The following SOCS7 variants were observed in gnomAD, a reference collection of about 807,000 sequenced individuals.
SOCS7 encodes the protein NAP-4.
A neutral mutation model predicts 58.9 loss-of-function variants in SOCS7; 18 were observed. That is an observed-to-expected ratio of 0.31 (90% CI 0.21 to 0.45). The LOEUF (loss-of-function observed/expected upper bound fraction) is 0.45, where lower values mean the gene tolerates loss of function less well. SOCS7 is among the 20% of genes least tolerant of loss of function. The pLI, the probability that SOCS7 is intolerant of heterozygous loss-of-function variation, is 1.00. For synonymous variants in SOCS7, 388 were observed against 364.3 expected, an observed-to-expected ratio of 1.06 and a Z score of -0.74; for missense variants, 667 against 837.3, an observed-to-expected ratio of 0.80 and a Z score of 2.51.
At chr17:38,385,432 ATTTCTTTTCTTTCTT>A (rs2038056002) in intron 7 of SOCS7, among the ~76,000 whole-genome samples, 1 of 141,382 alleles carries the variant, frequency 7.1e-6, no homozygotes, top group Non-Finnish European at 1.5e-5. Context: ...CTTCATCTGA[ATTTCTTTTCTTTCTT>A]TTTTTTTTTT....
intron 6 of SOCS7, among the ~76,000 whole-genome samples, chr17:38,374,676 A>G (rs1479781344): frequency 6.6e-6 from 1 of 152,260 alleles, no homozygotes; most frequent in African/African-American, 2.4e-5. Context: ...ATTTCAAGAT[A>G]GGGATCTTAG....
At chr17:38,364,963 C>CAATT in intron 3 of SOCS7, 107 bp downstream of exon 3, 1 of 782,222 alleles carries the variant, frequency 1.3e-6, no homozygotes, top group Non-Finnish European at 2.1e-6. Context: ...GATGATGACT[C>CAATT]AATTATTTCC....
At chr17:38,366,134 A>C in intron 4 of SOCS7, 153 bp from the exon 5 acceptor site, 1 of 1,283,778 alleles carries the variant, frequency 7.8e-7, no homozygotes, top group Non-Finnish European at 1.0e-6. Flanking sequence ...CAGCCCATCC[A>C]GCTCTTTGCC....
At chr17:38,393,760 C>T (rs977358249) in intron 7 of SOCS7, among the ~76,000 whole-genome samples, 2 of 148,464 alleles carry the variant, frequency 1.3e-5, no homozygotes, top group African/African-American at 5.0e-5. Context: ...ATTAGCCCGG[C>T]GTGGTGGTGG....
intron 9 of SOCS7, among the ~76,000 whole-genome samples, chr17:38,398,363 C>T (rs185264684): frequency 6.6e-6 from 1 of 151,900 alleles, no homozygotes; most frequent in East Asian, 1.9e-4. Context: ...CCACCTCAGC[C>T]TCCCAGTGGG....
At chr17:38,374,093 G>A (rs1397252012) in intron 6 of SOCS7, among the ~76,000 whole-genome samples, 4 of 152,054 alleles carry the variant, frequency 2.6e-5, no homozygotes, top group Admixed American at 6.5e-5. Context: ...GGTGGCACGC[G>A]CCTGTGATCC....
intron 7 of SOCS7, among the ~76,000 whole-genome samples, chr17:38,384,891 C>CT (rs71138614): frequency 0.06 from 4,601 of 76,588 alleles, 220 homozygotes; most frequent in African/African-American, 0.1. Flanking sequence ...GCACCCAGCT[C>CT]TTTTTTTTTT....
chr17:38,372,961 C>T (rs2037886615), intron 6 of SOCS7, among the ~76,000 whole-genome samples: 1 of 151,944 alleles, frequency 6.6e-6, no homozygotes, highest in Non-Finnish European at 1.5e-5. Flanking sequence ...ACAAAATTAG[C>T]CGTGTGTGGT....
intron 6 of SOCS7, among the ~76,000 whole-genome samples, chr17:38,370,912 G>A (rs560261901): frequency 1.6e-4 from 25 of 152,252 alleles, no homozygotes; most frequent in African/African-American, 6.0e-4. Context: ...GCCTCCCAAA[G>A]TGTTGGGATT....
intron 7 of SOCS7, among the ~76,000 whole-genome samples, chr17:38,388,722 G>C (rs1384486971): frequency 6.6e-6 from 1 of 152,004 alleles, no homozygotes; most frequent in Non-Finnish European, 1.5e-5. Flanking sequence ...TTGACTGTTT[G>C]GTACATTTCA....
intron 7 of SOCS7, among the ~76,000 whole-genome samples, chr17:38,390,168 G>A (rs2038151781): frequency 6.6e-6 from 1 of 151,694 alleles, no homozygotes; most frequent in South Asian, 2.1e-4. Flanking sequence ...AGCGCCATTT[G>A]TTGAAAAGAT....
At chr17:38,388,427 G>A (rs1247460989) in intron 7 of SOCS7, among the ~76,000 whole-genome samples, 1 of 152,078 alleles carries the variant, frequency 6.6e-6, no homozygotes, top group Non-Finnish European at 1.5e-5. Context: ...GCTGAGGCAG[G>A]AGAATTGCTT....
chr17:38,383,992 C>T (rs558735963), intron 7 of SOCS7, among the ~76,000 whole-genome samples: 17 of 152,138 alleles, frequency 1.1e-4, no homozygotes, highest in Non-Finnish European at 2.5e-4. Flanking sequence ...GAGCATCTCC[C>T]CAGTAAGCGG....
Position 38,403,076 on chromosome 17 carries a change from ACCTGC to A in SOCS7, c.*3596_*3600del. ...CATTGGTGCTGACCTTTGCCTGGTC[ACCTGC>A]CTGTGCCTAGGCCAAGTGAATGTTA... On this transcript the variant is annotated 3_prime_UTR_variant, in exon 10 of 10. Transcript: ENST00000612932. 1 of 152,102 alleles carries A rather than the reference ACCTGC, an allele frequency of 6.6e-6. No homozygotes were observed. Among genetic ancestry groups the A allele is most frequent in the African/African-American group, 2.4e-5 (1 of 41,386 alleles). The allele number at this position is 152,102 out of a possible 1,614,324, so 9.4% of individuals were successfully genotyped here.
rs1418569688 is a variant in SOCS7 at position 38,352,519 on chromosome 17, C to A, written c.467C>A (p.Pro156Gln). ...CCGTGTCCTCCTCAGCCGCCCCCTC[C>A]GCAGCCCCAGCCGCCTGCTGCCGCC... Reference protein sequence around the residue: ...PCPCPPQPPPPQPQPPAAAPQ... With the variant: ...PCPCPPQPPPQQPQPPAAAPQ... The change falls in exon 1 of 10, where the codon CCG (proline) becomes CAG (glutamine). Residue 156 changes from proline (P) to glutamine (Q), a missense_variant. By Grantham distance (76) the Pro-to-Gln change is moderately conservative (BLOSUM62 -1). Around this residue, in one of 9 missense-constraint regions of SOCS7, gnomAD observed 154 missense variants for 156.3 expected, o/e 0.98. Transcript: ENST00000612932. This position sits in a 1 kb window ranked among gnomAD's most constrained non-coding sequence, Gnocchi z 5.5. The A allele has an allele frequency of 6.5e-7, 1 of 1,546,380 alleles. No homozygotes were observed. Among genetic ancestry groups the A allele is most frequent in the Non-Finnish European group, 8.7e-7 (1 of 1,144,928 alleles).
rs2037775556 is a variant in SOCS7, at chr17:38,365,362, C to T, written c.1205C>T (p.Ser402Phe). ...GTCCTTGTGGCTCCGATGGGGTCTTCCTTGCAGTCTTTCCCCCTACCTCCG... is the reference window on the plus strand; with the variant it reads ...GTCCTTGTGGCTCCGATGGGGTCTTTCTTGCAGTCTTTCCCCCTACCTCCG... ...TSVLVAPMGSSLQSFPLPPPP... is the reference protein window; with the variant it reads ...TSVLVAPMGSFLQSFPLPPPP... Residue 402 changes from serine to phenylalanine, a missense_variant, in exon 4 of 10, where the codon TCC (serine) becomes TTC (phenylalanine). Ser to Phe is a radical substitution (Grantham distance 155). Transcript: ENST00000612932. 2 of 1,613,232 alleles carry T rather than the reference C, an allele frequency of 1.2e-6. No homozygotes were observed. The highest frequency in any genetic ancestry group is 2.2e-5 in the East Asian group (1 of 44,822).
chr17:38,374,778 G>A (rs142956532), intron 6 of SOCS7, among the ~76,000 whole-genome samples: 2 of 152,314 alleles, frequency 1.3e-5, no homozygotes, highest in Admixed American at 6.5e-5. Context: ...GCCAGATGAC[G>A]AGGAAGAAGA....
intron 7 of SOCS7, among the ~76,000 whole-genome samples, chr17:38,378,375 A>T (rs2037958556): frequency 6.6e-6 from 1 of 152,092 alleles, no homozygotes; most frequent in Non-Finnish European, 1.5e-5. Flanking sequence ...TTAGCCAGGC[A>T]TAGTGGCACA....
rs1476605995 is a variant in SOCS7, at chr17:38,389,865, G to A, written c.1682-5444G>A. Reference sequence around the variant, plus strand: ...ATTTTTTTGTTTGGTGTGTATGTGTGTACATATATATATATATGTACATAT... The same window carrying A: ...ATTTTTTTGTTTGGTGTGTATGTGTATACATATATATATATATGTACATAT... On this transcript the variant is annotated intron_variant, in intron 7 of 9. Transcript: ENST00000612932. Among the ~76,000 whole-genome samples the A allele has an allele frequency of 1.3e-3, 34 of 26,874 alleles. 2 individuals are homozygous for A. The highest frequency in any genetic ancestry group is 2.7e-3 in the South Asian group (2 of 746). 17.6% of individuals were successfully genotyped at this position (26,874 alleles called of 152,430 possible).
Sources: allele counts gnomAD v4.1 joint callset (sites outside exome capture counted in the v4.1 genomes callset), GRCh38; gene constraint gnomAD v4.1.1; regional missense constraint gnomAD v4.1.1; non-coding constraint Gnocchi (gnomAD v3.1); transcripts MANE v1.5; gene names NCBI Gene and HGNC (gene_info 2026-07-23, HGNC 2026-07-21).